The following IFT52 variants were observed in gnomAD, a reference collection of about 807,000 sequenced individuals.
The protein encoded by IFT52 is intraflagellar transport protein 52 homolog.
A neutral mutation model predicts 54.4 loss-of-function variants in IFT52; 44 were observed. That is an observed-to-expected ratio of 0.81 (90% confidence interval 0.63 to 1.04). The LOEUF is 1.04. Among genes scored for constraint, IFT52 ranks in the 50% least tolerant of loss-of-function variants. IFT52 has a pLI of 0.00. For synonymous variants in IFT52, 181 were observed against 185.3 expected (o/e 0.98, Z 0.19); for missense variants, 452 against 523.6 (o/e 0.86, Z 1.33).
At chr20:43,625,489 C>T (rs954584816) in intron 10 of IFT52, among the ~76,000 whole-genome samples, 4 of 151,076 alleles carry the variant, frequency 2.6e-5, no homozygotes, top group Non-Finnish European at 4.4e-5. Context: ...GCCTGGGTGA[C>T]GGGAAGACTC....
chr20:43,636,388 T>A (rs1985541845), intron 11 of IFT52, among the ~76,000 whole-genome samples: 1 of 152,206 alleles, frequency 6.6e-6, no homozygotes, highest in African/African-American at 2.4e-5. Flanking sequence ...ATAGTTATGG[T>A]CATGTGTGTA....
In IFT52 at chr20:43,647,023, C is replaced by G. The variant is rs779456413; in HGVS notation, c.*40C>G. 6.4e-7 allele frequency: 1 copy of G among 1,555,152 alleles called. No homozygotes were observed. The highest frequency in any genetic ancestry group is 8.9e-7 in the Non-Finnish European group (1 of 1,127,052). ...GAAGCTTTTTCTGCCTCCTGATTCTCTCTTTGTAAACTATTTTCAAATTGT... is the reference window on the plus strand; with the variant it reads ...GAAGCTTTTTCTGCCTCCTGATTCTGTCTTTGTAAACTATTTTCAAATTGT... On this transcript the variant is annotated 3_prime_UTR_variant, in exon 14 of 14. Coordinates refer to ENST00000373030, the MANE Select transcript of IFT52 (RefSeq NM_016004.5).
intron 6 of IFT52, among the ~76,000 whole-genome samples, chr20:43,605,385 A>G (rs1383515674): frequency 1.3e-5 from 2 of 152,172 alleles, no homozygotes; most frequent in East Asian, 3.8e-4. Context: ...CATCTCTACT[A>G]AAAATACAAA....
chr20:43,596,085 G>A (rs743995), intron 2 of IFT52, among the ~76,000 whole-genome samples: 4,092 of 152,324 alleles, frequency 0.027, 70 homozygotes, highest in Non-Finnish European at 0.037. Context: ...AGAATTAAAT[G>A]AGAATAACTT....
chr20:43,611,301 T>C (rs1402482084), intron 6 of IFT52, among the ~76,000 whole-genome samples: 2 of 152,192 alleles, frequency 1.3e-5, no homozygotes, highest in Non-Finnish European at 1.5e-5. Flanking sequence ...CTTAGGGACT[T>C]TACACAAGCT....
At chr20:43,640,023 G>C (rs1985808579) in intron 12 of IFT52, among the ~76,000 whole-genome samples, 1 of 151,946 alleles carries the variant, frequency 6.6e-6, no homozygotes, top group African/African-American at 2.4e-5. Flanking sequence ...AATTAGCCGG[G>C]CATGGTGGCT....
At chr20:43,629,350 GC>G (rs1568784087) in intron 10 of IFT52, among the ~76,000 whole-genome samples, 1 of 151,736 alleles carries the variant, frequency 6.6e-6, no homozygotes, top group Non-Finnish European at 1.5e-5. Flanking sequence ...TCGACTCACT[GC>G]AAGCTCCGCC....
At chr20:43,615,710 G>A (rs901913511) in intron 7 of IFT52, among the ~76,000 whole-genome samples, 4 of 152,100 alleles carry the variant, frequency 2.6e-5, no homozygotes, top group Admixed American at 1.3e-4. Flanking sequence ...AGGCCAAGGC[G>A]GGTGGATCAC....
Position 43,603,885 on chromosome 20 carries a change from T to C in IFT52, c.333T>C (p.Asn111=), listed in dbSNP as rs141142374. The change falls in exon 4 of 14, where the codon AAT becomes AAC. Residue 111 remains asparagine (N), a synonymous_variant. Coordinates refer to ENST00000373030, the MANE Select transcript of IFT52 (RefSeq NM_016004.5). ...TAGAAGAATATGGAATCATGGTTAA[T>C]AATGGTAATTAGTATTATTATTTTC... ...FLLEEYGIMV[N]NDAVVRNVYH... The C allele has an allele frequency of 2.8e-5, 41 of 1,451,090 alleles. No homozygotes were observed. In the African/African-American group the frequency reaches 5.1e-4, roughly 18 times the overall value. The allele number at this position is 1,451,090 out of a possible 1,614,324, so 89.9% of individuals were successfully genotyped here. A position where few individuals can be genotyped will look rare whatever the true frequency, so the allele number is the denominator to read the frequency against.
At chr20:43,604,797 TTATATA>T (rs754883331) in intron 5 of IFT52, among the ~76,000 whole-genome samples, 199 bp from the exon 6 acceptor site, 2 of 152,124 alleles carry the variant, frequency 1.3e-5, no homozygotes, top group Non-Finnish European at 2.9e-5. Context: ...TATTTTTTGT[TTATATA>T]TATATGTATT....
intron 3 of IFT52, among the ~76,000 whole-genome samples, chr20:43,597,890 C>CAAAAA (rs36068236): frequency 2.0e-5 from 2 of 101,992 alleles, no homozygotes; most frequent in East Asian, 2.9e-4. Context: ...GAGACTCTTT[C>CAAAAA]AAAAAAAAAA....
chr20:43,628,544 A>G (rs1251412737), intron 10 of IFT52, among the ~76,000 whole-genome samples: 1 of 152,206 alleles, frequency 6.6e-6, no homozygotes, highest in Non-Finnish European at 1.5e-5. Flanking sequence ...ATAGGAAACA[A>G]GATCATCAGT....
At chr20:43,591,909 A>G (rs552628080) in intron 1 of IFT52, among the ~76,000 whole-genome samples, 7 of 152,334 alleles carry the variant, frequency 4.6e-5, no homozygotes, top group African/African-American at 1.7e-4. Context: ...TTTGGGACTC[A>G]GCAGGAGCTT....
rs1984532971 is a variant in IFT52 at position 43,623,965 on chromosome 20, T to A, written c.843T>A (p.Asp281Glu). 1.9e-6 allele frequency: 3 copies of A among 1,611,588 alleles called. No homozygotes were observed. Among genetic ancestry groups the A allele is most frequent in the Non-Finnish European group, 1.7e-6 (2 of 1,177,866 alleles). ...KRNRECLQES[D>E]EIPRDFTTLF... ...ATCGAGAGTGTCTCCAGGAGAGTGATGAGATCCCAAGGGACTTTACCACCC... is the reference window on the plus strand; with the variant it reads ...ATCGAGAGTGTCTCCAGGAGAGTGAAGAGATCCCAAGGGACTTTACCACCC... The change falls in exon 10 of 14, where the codon GAT becomes GAA. Residue 281 changes from aspartate (D) to glutamate (E), a missense_variant. Transcript: ENST00000373030.
chr20:43,624,848 C>T (rs776987534), intron 10 of IFT52, among the ~76,000 whole-genome samples: 3 of 152,182 alleles, frequency 2.0e-5, no homozygotes, highest in South Asian at 2.1e-4. Flanking sequence ...TTCTCACCCC[C>T]GTGTATCCGG....
intron 10 of IFT52, among the ~76,000 whole-genome samples, chr20:43,624,369 A>G (rs1984569868): frequency 6.6e-6 from 1 of 152,186 alleles, no homozygotes; most frequent in South Asian, 2.1e-4. Context: ...GTCCCTCAGT[A>G]AATGGAGATG....
At chr20:43,636,818 T>C (rs972610173) in intron 11 of IFT52, among the ~76,000 whole-genome samples, 5 of 152,218 alleles carry the variant, frequency 3.3e-5, no homozygotes, top group Non-Finnish European at 5.9e-5. Context: ...GTATGTCAGC[T>C]TGGTCAGTTT....
intron 13 of IFT52, among the ~76,000 whole-genome samples, chr20:43,643,124 G>A (rs1379621986): frequency 6.7e-6 from 1 of 150,116 alleles, no homozygotes; most frequent in Non-Finnish European, 1.5e-5. Context: ...CTGAGATCGT[G>A]CCGTTGCACT....
In IFT52 at chr20:43,614,981, G is replaced by T. The variant is rs532123459; in HGVS notation, c.612+1005G>T. On this transcript the variant is annotated intron_variant, in intron 7 of 13. Transcript: ENST00000373030. ...CTGCCACCAAGCATGGCTAATTTTT[G>T]TATTTTTGGGAGAGATGGAGTTTCA... is the stretch of plus-strand genomic sequence containing the variant. Among the ~76,000 whole-genome samples the T allele has an allele frequency of 3.3e-5, 5 of 151,908 alleles. No homozygotes were observed. The East Asian group carries it at 9.7e-4, about 29-fold the overall frequency.
Sources: gnomAD v4.1 joint callset for allele counts (sites outside exome capture counted in the v4.1 genomes callset) on GRCh38, gnomAD v4.1.1 for gene constraint, MANE v1.5 for transcripts, NCBI Gene and HGNC (gene_info 2026-07-23, HGNC 2026-07-21) for gene names.